The following GAB3 variants were observed in gnomAD, a reference collection of about 807,000 sequenced individuals.
The protein encoded by GAB3 is GRB2-associated-binding protein 3.
A neutral mutation model predicts 40.4 loss-of-function variants in GAB3; 12 were observed. The observed-to-expected ratio is 0.30, with a 90% CI of 0.19 to 0.48. The LOEUF (loss-of-function observed/expected upper bound fraction) is 0.48, where lower values mean the gene tolerates loss of function less well. Ranked by LOEUF, GAB3 falls within the 20% of genes least tolerant of loss-of-function variation. The pLI is 0.99. For synonymous variants in GAB3, 154 were observed against 176.7 expected, an observed-to-expected ratio of 0.87 and a Z score of 1.02; for missense variants, 381 against 461.9, an observed-to-expected ratio of 0.82 and a Z score of 1.61.
intron 4 of GAB3, among the ~76,000 whole-genome samples, chrX:154,711,902 A>G (rs1033283772): frequency 3.5e-4 from 39 of 111,984 alleles, no homozygotes; most frequent in African/African-American, 1.3e-3. Flanking sequence ...CTATTGCAGC[A>G]TCTATGGGGA....
intron 6 of GAB3, among the ~76,000 whole-genome samples, chrX:154,697,427 G>A (rs371439938): frequency 8.9e-6 from 1 of 111,936 alleles, no homozygotes; most frequent in African/African-American, 3.3e-5. Flanking sequence ...AGGTAACAAC[G>A]TGGCAAGGCA....
At chrX:154,741,364 A>G (rs1297073542) in intron 1 of GAB3, among the ~76,000 whole-genome samples, 1 of 111,742 alleles carries the variant, frequency 8.9e-6, no homozygotes, top group Non-Finnish European at 1.9e-5. Context: ...AGACATACCC[A>G]AGACTGGGTA....
At chrX:154,724,050 T>C (rs782728942) in intron 1 of GAB3, among the ~76,000 whole-genome samples, 8 of 111,968 alleles carry the variant, frequency 7.1e-5, no homozygotes, top group Middle Eastern at 4.6e-3. Flanking sequence ...AAGTAACTTA[T>C]AAAACGACAA....
At chrX:154,715,272 C>T (rs1557257383) in intron 2 of GAB3, among the ~76,000 whole-genome samples, 1 of 111,970 alleles carries the variant, frequency 8.9e-6, no homozygotes, top group Admixed American at 9.4e-5. Flanking sequence ...GATTCAAAAT[C>T]TCATATTTTG....
At chrX:154,744,003 C>CA (rs1284664127) in intron 1 of GAB3, among the ~76,000 whole-genome samples, 1 of 110,319 alleles carries the variant, frequency 9.1e-6, no homozygotes, top group African/African-American at 3.3e-5. Context: ...ATCACGAGGT[C>CA]AAGAGATCGA....
intron 4 of GAB3, among the ~76,000 whole-genome samples, chrX:154,707,889 G>A (rs1288065120): frequency 8.9e-6 from 1 of 112,213 alleles, no homozygotes; most frequent in Non-Finnish European, 1.9e-5. Context: ...GCAAAAAACA[G>A]TTGACAATAA....
At chrX:154,720,168 C>A (rs1397381157) in intron 1 of GAB3, among the ~76,000 whole-genome samples, 1 of 111,035 alleles carries the variant, frequency 9.0e-6, no homozygotes, top group Admixed American at 9.6e-5. Context: ...TAGTACCATA[C>A]TGTACAGGTT....
At chrX:154,722,904 T>G (rs1157417526) in intron 1 of GAB3, among the ~76,000 whole-genome samples, 4 of 111,154 alleles carry the variant, frequency 3.6e-5, no homozygotes, top group South Asian at 7.5e-4. Flanking sequence ...TTGACAGAGT[T>G]TTTTGCTCTT....
chrX:154,746,412 T>G (rs1439526571), intron 1 of GAB3, among the ~76,000 whole-genome samples: 1 of 111,852 alleles, frequency 8.9e-6, no homozygotes, highest in Non-Finnish European at 1.9e-5. Context: ...ATCCCATAAG[T>G]TCGAGGTTGG....
chrX:154,704,285 G>A (rs782326450), intron 4 of GAB3, among the ~76,000 whole-genome samples: 7 of 110,379 alleles, frequency 6.3e-5, no homozygotes, highest in Non-Finnish European at 1.1e-4. Flanking sequence ...GGGGAAGTGG[G>A]GATGGTTAAT....
intron 1 of GAB3, among the ~76,000 whole-genome samples, chrX:154,722,988 C>T (rs2071158631): frequency 9.0e-6 from 1 of 111,348 alleles, no homozygotes; most frequent in Non-Finnish European, 1.9e-5. Flanking sequence ...AAGCGATTCT[C>T]CTGCCTCAGC....
chrX:154,700,020 C>T lies in GAB3; in HGVS notation c.1109G>A (p.Arg370Gln). The T allele has an allele frequency of 3.3e-6, 4 of 1,208,173 alleles. No homozygotes were observed. Among genetic ancestry groups the T allele is most frequent in the East Asian group, 3.0e-5 (1 of 33,780 alleles). ...EGQSLRHRDK[R>Q]LSLNLPCRFS... ...TGAACTTACCAAATTCAAACTAAGCCGCTTGTCTCGGTGTCTTAAGGATTG... is the reference window on the plus strand; with the variant it reads ...TGAACTTACCAAATTCAAACTAAGCTGCTTGTCTCGGTGTCTTAAGGATTG... The change falls in exon 5 of 10, where the codon CGG becomes CAG. Residue 370 changes from arginine (R) to glutamine (Q), a missense_variant. Physicochemically the swap from Arg to Gln is conservative, Grantham distance 43. Around this residue, in one of 2 missense-constraint regions of GAB3, gnomAD observed 364 missense variants for 421.0 expected, o/e 0.86. Transcript: ENST00000424127.
chrX:154,697,234 T>C, intron 6 of GAB3, 21 bp from the exon 7 acceptor site: 1 of 1,081,718 alleles, frequency 9.2e-7, no homozygotes, highest in African/African-American at 1.9e-5. Context: ...GTGTGCAACA[T>C]CCAGGAGGTC....
chrX:154,684,921 C>A (rs2070426046), intron 8 of GAB3, among the ~76,000 whole-genome samples: 1 of 111,637 alleles, frequency 9.0e-6, no homozygotes, highest in African/African-American at 3.3e-5. Flanking sequence ...TCTGACTATA[C>A]AAATATTTGA....
chrX:154,718,869 A>G (rs1228348566), intron 1 of GAB3, among the ~76,000 whole-genome samples: 1 of 112,264 alleles, frequency 8.9e-6, no homozygotes, highest in Non-Finnish European at 1.9e-5. Flanking sequence ...GCACAGAAAC[A>G]AGTTTCACAT....
intron 1 of GAB3, among the ~76,000 whole-genome samples, chrX:154,721,933 C>T (rs1160585232): frequency 1.8e-5 from 2 of 111,455 alleles, no homozygotes; most frequent in Non-Finnish European, 3.8e-5. Context: ...TGAGTATAGA[C>T]CCAAAGGAAG....
intron 1 of GAB3, among the ~76,000 whole-genome samples, chrX:154,718,645 T>C: frequency 9.0e-6 from 1 of 111,056 alleles, no homozygotes. Context: ...CCTGGGCTTC[T>C]GGCATCAACT....
chrX:154,742,915 A>C (rs1262163375), intron 1 of GAB3, among the ~76,000 whole-genome samples: 1 of 108,227 alleles, frequency 9.2e-6, no homozygotes, highest in Non-Finnish European at 1.9e-5. Flanking sequence ...TGATGGTTGC[A>C]TAACTGTATA....
At chrX:154,729,400 T>C (rs1285318714) in intron 1 of GAB3, among the ~76,000 whole-genome samples, 1 of 111,851 alleles carries the variant, frequency 8.9e-6, no homozygotes, top group Non-Finnish European at 1.9e-5. Flanking sequence ...ACCCAGGCCC[T>C]GCTCCTATGA....
Sources: allele counts gnomAD v4.1 joint callset (sites outside exome capture counted in the v4.1 genomes callset), GRCh38; gene constraint gnomAD v4.1.1; regional missense constraint gnomAD v4.1.1; transcripts MANE v1.5; gene names NCBI Gene and HGNC (gene_info 2026-07-23, HGNC 2026-07-21).